Variants in NKAIN3 observed in about 807,000 individuals in gnomAD.
The protein encoded by NKAIN3 is sodium/potassium-transporting ATPase subunit beta-1-interacting protein 3.
A neutral mutation model predicts 30.2 loss-of-function variants in NKAIN3; 25 were observed. The observed-to-expected ratio is 0.83, with a 90% CI of 0.60 to 1.16. The LOEUF (loss-of-function observed/expected upper bound fraction) is 1.16, where lower values mean the gene tolerates loss of function less well. Ranked by LOEUF, NKAIN3 falls within the 50% of genes most tolerant of loss-of-function variation. The pLI, the probability that NKAIN3 is intolerant of heterozygous loss-of-function variation, is 0.00. For synonymous variants in NKAIN3, 91 were observed against 89.6 expected (o/e 1.02, Z -0.09); for missense variants, 225 against 254.1 (o/e 0.89, Z 0.78).
At chr8:62,446,484 A>G (rs1046623283) in intron 1 of NKAIN3, among the ~76,000 whole-genome samples, 2 of 152,120 alleles carry the variant, frequency 1.3e-5, no homozygotes, top group Non-Finnish European at 2.9e-5. Context: ...ACAATTTACA[A>G]TTTTAACCAT....
At chr8:62,446,870 T>C (rs1174044399) in intron 1 of NKAIN3, among the ~76,000 whole-genome samples, 1 of 152,102 alleles carries the variant, frequency 6.6e-6, no homozygotes, top group Non-Finnish European at 1.5e-5. Flanking sequence ...TTGATGGACA[T>C]CTAAGTTGTT....
At chr8:62,478,169 A>T (rs1207886303) in intron 1 of NKAIN3, among the ~76,000 whole-genome samples, 9 of 152,026 alleles carry the variant, frequency 5.9e-5, no homozygotes, top group African/African-American at 2.2e-4. Flanking sequence ...AGTTATTATT[A>T]TTATTATTAT....
At chr8:62,571,686 C>A (rs1341579655) in intron 1 of NKAIN3, among the ~76,000 whole-genome samples, 1 of 152,146 alleles carries the variant, frequency 6.6e-6, no homozygotes, top group Non-Finnish European at 1.5e-5. Context: ...GAAATCCAGA[C>A]AGAGGTTCCC....
intron 1 of NKAIN3, among the ~76,000 whole-genome samples, chr8:62,409,756 CTTACT>C (rs1295151811): frequency 6.6e-6 from 1 of 151,608 alleles, no homozygotes; most frequent in Admixed American, 6.6e-5. Context: ...TTTTAAAATA[CTTACT>C]TTTCTTTACT....
At chr8:62,335,830 A>G (rs183553237) in intron 1 of NKAIN3, among the ~76,000 whole-genome samples, 85 of 152,154 alleles carry the variant, frequency 5.6e-4, no homozygotes, top group African/African-American at 1.6e-3. Flanking sequence ...CTGTGTATCA[A>G]ATAATGATCC....
chr8:62,595,382 C>CTTTTTTTTTTTT (rs1181598520), intron 3 of NKAIN3, among the ~76,000 whole-genome samples: 4 of 109,950 alleles, frequency 3.6e-5, no homozygotes, highest in African/African-American at 1.1e-4. Context: ...GGGCTATTTT[C>CTTTTTTTTTTTT]TTTTTTTTTT....
At chr8:62,734,393 T>C (rs1815581915) in intron 3 of NKAIN3, among the ~76,000 whole-genome samples, 1 of 152,220 alleles carries the variant, frequency 6.6e-6, no homozygotes, top group South Asian at 2.1e-4. Flanking sequence ...CATATAATTT[T>C]TTTTCCTTTT....
At chr8:62,811,618 T>A (rs529000057) in intron 4 of NKAIN3, among the ~76,000 whole-genome samples, 1 of 77,902 alleles carries the variant, frequency 1.3e-5, no homozygotes, top group African/African-American at 4.3e-5. Context: ...CATTTTCTGA[T>A]GGCTAACAAT....
rs188471175 is a variant in NKAIN3, at chr8:62,696,543, C to T, written c.274-50389C>T. ...GCTAAAGGAAAGTCTGCATCTGTTACGTAATTTATGCATAAAGACAAAGTC... is the reference window on the plus strand; with the variant it reads ...GCTAAAGGAAAGTCTGCATCTGTTATGTAATTTATGCATAAAGACAAAGTC... On this transcript the variant is annotated intron_variant, in intron 3 of 6. Transcript: ENST00000623646. Among the ~76,000 whole-genome samples, 12 of 152,066 alleles carry T rather than the reference C, an allele frequency of 7.9e-5. No individual in the cohort carries two copies. The East Asian group carries it at 1.4e-3, about 17-fold the overall frequency.
chr8:62,921,686 A>G (rs1822282230), intron 5 of NKAIN3, among the ~76,000 whole-genome samples: 3 of 152,020 alleles, frequency 2.0e-5, no homozygotes, highest in African/African-American at 7.2e-5. Flanking sequence ...TCTTCCTTCC[A>G]TTTTTCATTG....
chr8:62,345,525 A>ATATATACACACATATATACACATATATG (rs1815954878), intron 1 of NKAIN3, among the ~76,000 whole-genome samples: 2 of 138,490 alleles, frequency 1.4e-5, no homozygotes, highest in African/African-American at 3.0e-5. Flanking sequence ...ACATATATGT[A>ATATATACACACATATATACACATATATG]TATATACACA....
chr8:62,453,958 G>A (rs1356798683), intron 1 of NKAIN3, among the ~76,000 whole-genome samples: 1 of 152,180 alleles, frequency 6.6e-6, no homozygotes, highest in African/African-American at 2.4e-5. Context: ...GTATAAGGAA[G>A]AACTGGTATC....
chr8:62,492,926 ATAGATGCTGAATCT>A (rs1372545623), intron 1 of NKAIN3, among the ~76,000 whole-genome samples: 2 of 152,072 alleles, frequency 1.3e-5, no homozygotes, highest in Non-Finnish European at 2.9e-5. Flanking sequence ...TGAGTTCCTT[ATAGATGCTGAATCT>A]TAGACCTTTG....
intron 1 of NKAIN3, among the ~76,000 whole-genome samples, chr8:62,457,864 A>C (rs534894122): frequency 8.5e-5 from 13 of 152,202 alleles, no homozygotes; most frequent in African/African-American, 3.1e-4. Context: ...ATTTTTATTC[A>C]GGGGGAACTT....
At chr8:62,602,763 C>T (rs1811018526) in intron 3 of NKAIN3, among the ~76,000 whole-genome samples, 1 of 152,124 alleles carries the variant, frequency 6.6e-6, no homozygotes. Flanking sequence ...TTGGTCTGTT[C>T]CAGCTACTGC....
chr8:62,357,406 T>C (rs1007580334), intron 1 of NKAIN3, among the ~76,000 whole-genome samples: 1 of 152,170 alleles, frequency 6.6e-6, no homozygotes, highest in Non-Finnish European at 1.5e-5. Flanking sequence ...AGAGCAAGAT[T>C]CTTCCTGTCT....
At chr8:62,931,807 G>T (rs979828420) in intron 5 of NKAIN3, among the ~76,000 whole-genome samples, 9 of 152,156 alleles carry the variant, frequency 5.9e-5, no homozygotes, top group Admixed American at 1.3e-4. Flanking sequence ...TTTAATAATT[G>T]TTAGCCCTTT....
At chr8:62,304,634 G>T (rs558912843) in intron 1 of NKAIN3, among the ~76,000 whole-genome samples, 2 of 150,540 alleles carry the variant, frequency 1.3e-5, no homozygotes, top group African/African-American at 5.0e-5. Flanking sequence ...CAGCAGGTAT[G>T]AAGTACTAGT....
chr8:62,816,403 G>A (rs772737090), intron 4 of NKAIN3, among the ~76,000 whole-genome samples: 25 of 152,266 alleles, frequency 1.6e-4, no homozygotes, highest in Admixed American at 4.6e-4. Flanking sequence ...CTTGGGGAGT[G>A]CATAAGCATG....
Sources: gnomAD v4.1 joint callset for allele counts (sites outside exome capture counted in the v4.1 genomes callset) on GRCh38, gnomAD v4.1.1 for gene constraint, MANE v1.5 for transcripts, NCBI Gene and HGNC (gene_info 2026-07-23, HGNC 2026-07-21) for gene names.